The following LUZP2 variants were observed in gnomAD, a reference collection of about 807,000 sequenced individuals.
LUZP2 encodes leucine zipper protein 2.
A neutral mutation model predicts 51.6 loss-of-function variants in LUZP2; 52 were observed. The ratio of observed to expected loss-of-function variants is 1.01; its 90% CI spans 0.81 to 1.27. LUZP2 has a LOEUF of 1.27. Ranked by LOEUF, LUZP2 falls within the 50% of genes most tolerant of loss-of-function variation. LUZP2 has a pLI of 0.00. For missense variants in LUZP2, 436 were observed against 395.4 expected, an observed-to-expected ratio of 1.10 and a Z score of -0.87; for synonymous variants, 154 against 137.3, an observed-to-expected ratio of 1.12 and a Z score of -0.85.
intron 1 of LUZP2, among the ~76,000 whole-genome samples, chr11:24,713,293 C>T (rs1206828093): frequency 6.6e-6 from 1 of 151,926 alleles, no homozygotes; most frequent in Admixed American, 6.6e-5. Flanking sequence ...GAAAATGTTT[C>T]CCAGGAAAAA....
intron 1 of LUZP2, among the ~76,000 whole-genome samples, chr11:24,502,467 C>A (rs1422157829): frequency 2.6e-5 from 4 of 152,112 alleles, no homozygotes; most frequent in African/African-American, 9.7e-5. Flanking sequence ...TCCCTGCAAT[C>A]TCTGCCTCCT....
At chr11:24,784,915 T>C (rs771290561) in intron 5 of LUZP2, among the ~76,000 whole-genome samples, 1 of 152,074 alleles carries the variant, frequency 6.6e-6, no homozygotes, top group Non-Finnish European at 1.5e-5. Context: ...TGTAAATACA[T>C]ACATTTGCAT....
intron 11 of LUZP2, 69 bp from the exon 12 acceptor site, chr11:25,078,485 C>A: frequency 8.1e-7 from 1 of 1,232,900 alleles, no homozygotes; most frequent in Non-Finnish European, 1.2e-6. Flanking sequence ...TTCTTTTAGA[C>A]TTTTCAATTT....
At chr11:24,657,913 T>G (rs573237794) in intron 1 of LUZP2, among the ~76,000 whole-genome samples, 4 of 151,990 alleles carry the variant, frequency 2.6e-5, no homozygotes, top group Non-Finnish European at 4.4e-5. Context: ...CACTGCTCAA[T>G]GAAATAAAAG....
chr11:25,078,076 A>G (rs1177704478), intron 11 of LUZP2, among the ~76,000 whole-genome samples: 1 of 152,200 alleles, frequency 6.6e-6, no homozygotes, highest in Non-Finnish European at 1.5e-5. Flanking sequence ...GAGACTAAAG[A>G]GGATTTGAGG....
chr11:24,757,574 C>G (rs931334127), intron 4 of LUZP2, among the ~76,000 whole-genome samples: 4 of 151,810 alleles, frequency 2.6e-5, no homozygotes, highest in Non-Finnish European at 4.4e-5. Context: ...GAAGCTCAAA[C>G]TCAATGTACT....
chr11:25,030,948 TA>T lies in LUZP2; in HGVS notation c.766-19089del. Among the ~76,000 whole-genome samples the T allele has an allele frequency of 7.0e-5, 3 of 42,962 alleles. 1 individual carries two copies. The highest frequency in any genetic ancestry group is 0.036 in the Middle Eastern group (2 of 56). 28.2% of individuals were successfully genotyped at this position (42,962 alleles called of 152,430 possible). A position where few individuals can be genotyped will look rare whatever the true frequency, so the allele number is the denominator to read the frequency against. ...TATATATAATATATATTATATATAT[TA>T]TATATATAATACAATATATATTATA... On this transcript the variant is annotated intron_variant, in intron 9 of 11. Transcript: ENST00000336930.
chr11:24,773,214 C>T (rs1848803152), intron 5 of LUZP2, among the ~76,000 whole-genome samples: 2 of 148,926 alleles, frequency 1.3e-5, no homozygotes, highest in Admixed American at 1.3e-4. Context: ...GAATATATTA[C>T]TTAATTCCAA....
At chr11:25,007,538 G>T (rs746420486) in intron 9 of LUZP2, among the ~76,000 whole-genome samples, 3 of 152,120 alleles carry the variant, frequency 2.0e-5, no homozygotes, top group African/African-American at 7.2e-5. Flanking sequence ...GGGAGGTAAA[G>T]GTTGCAGTGG....
In LUZP2 at chr11:24,725,502, A is replaced by G. The variant is rs182375844; in HGVS notation, c.63-3667A>G. ...TTGATACATTTTTATAAATGTACAT[A>G]AACTTTTAAATAACATGGGTTGGAG... On this transcript the variant is annotated intron_variant, in intron 1 of 11. Transcript: ENST00000336930. 3.9e-3 allele frequency among the ~76,000 whole-genome samples: 590 copies of G among 152,232 alleles called. 4 individuals are homozygous for G. The highest frequency in any genetic ancestry group is 0.013 in the African/African-American group (560 of 41,568).
At chr11:24,866,514 T>C (rs922737791) in intron 5 of LUZP2, among the ~76,000 whole-genome samples, 2 of 121,046 alleles carry the variant, frequency 1.7e-5, no homozygotes, top group Admixed American at 9.5e-5. Context: ...TTTAGTAACA[T>C]ACATAAAACA....
At chr11:24,791,265 T>C (rs949441829) in intron 5 of LUZP2, among the ~76,000 whole-genome samples, 3 of 152,246 alleles carry the variant, frequency 2.0e-5, no homozygotes, top group African/African-American at 7.2e-5. Flanking sequence ...ATTTTCATTA[T>C]TGTTAATATT....
chr11:24,659,696 A>T (rs1196230404), intron 1 of LUZP2, among the ~76,000 whole-genome samples: 2 of 152,300 alleles, frequency 1.3e-5, no homozygotes, highest in Non-Finnish European at 1.5e-5. Flanking sequence ...GATGAAAAAA[A>T]TTGATTTATT....
intron 7 of LUZP2, among the ~76,000 whole-genome samples, chr11:24,967,145 A>C (rs1288013403): frequency 6.6e-6 from 1 of 151,804 alleles, no homozygotes; most frequent in Non-Finnish European, 1.5e-5. Flanking sequence ...TTAAAATCAG[A>C]TGGCATTAGT....
At chr11:24,534,417 A>G (rs970434528) in intron 1 of LUZP2, among the ~76,000 whole-genome samples, 1 of 150,008 alleles carries the variant, frequency 6.7e-6, no homozygotes, top group Non-Finnish European at 1.5e-5. Flanking sequence ...ATTTCTACAT[A>G]TAGAAAGATT....
intron 4 of LUZP2, among the ~76,000 whole-genome samples, chr11:24,742,815 T>C (rs1859233224): frequency 6.6e-6 from 1 of 152,168 alleles, no homozygotes; most frequent in South Asian, 2.1e-4. Context: ...CACTAGAAAT[T>C]TTATAGTTTC....
intron 1 of LUZP2, among the ~76,000 whole-genome samples, chr11:24,550,641 C>T (rs781596655): frequency 6.6e-6 from 1 of 152,078 alleles, no homozygotes; most frequent in Non-Finnish European, 1.5e-5. Flanking sequence ...GATGTCCTTC[C>T]TCAATGGATC....
chr11:25,030,925 TATATAATATATA>T (rs1341853135), intron 9 of LUZP2, among the ~76,000 whole-genome samples: 138 of 6,232 alleles, frequency 0.022, 14 homozygotes, highest in African/African-American at 0.15. Flanking sequence ...GTATTATATA[TATATAATATATA>T]TTATATATAT....
intron 1 of LUZP2, among the ~76,000 whole-genome samples, chr11:24,696,195 ATTGACTAT>A (rs1857242037): frequency 6.6e-6 from 1 of 152,056 alleles, no homozygotes; most frequent in South Asian, 2.1e-4. Context: ...AGAAAACCAG[ATTGACTAT>A]TTGGGGAAGG....
Sources: allele counts gnomAD v4.1 joint callset (sites outside exome capture counted in the v4.1 genomes callset), GRCh38; gene constraint gnomAD v4.1.1; transcripts MANE v1.5; gene names NCBI Gene and HGNC (gene_info 2026-07-23, HGNC 2026-07-21).